The following DNAJC10 variants were observed in gnomAD, a reference collection of about 807,000 sequenced individuals.
DNAJC10 encodes the protein endoplasmic reticulum disulfide reductase DNAJC10.
In DNAJC10, 101 loss-of-function variants were observed where a neutral mutation model predicts 115.0. The observed-to-expected ratio is 0.88, with a 90% CI of 0.75 to 1.04. The LOEUF (loss-of-function observed/expected upper bound fraction) is 1.04. Among genes scored for constraint, DNAJC10 ranks in the 50% least tolerant of loss-of-function variants. DNAJC10 has a pLI of 0.00. For synonymous variants in DNAJC10, 307 were observed against 301.5 expected (o/e 1.02, Z -0.19); for missense variants, 981 against 928.8 (o/e 1.06, Z -0.73).
Position 182,789,777 on chromosome 2 carries a change from T to G in DNAJC10, c.*12645T>G, listed in dbSNP as rs1177529485. 1 of 152,192 alleles carries G rather than the reference T, an allele frequency of 6.6e-6. No homozygotes were observed. The highest frequency in any genetic ancestry group is 1.5e-5 in the Non-Finnish European group (1 of 68,030). The allele number at this position is 152,192 out of a possible 1,614,324, so 9.4% of individuals were successfully genotyped here. A position where few individuals can be genotyped will look rare whatever the true frequency, so the allele number is the denominator to read the frequency against. On this transcript the variant is annotated 3_prime_UTR_variant, in exon 24 of 24. Coordinates refer to ENST00000264065, the MANE Select transcript of DNAJC10 (RefSeq NM_018981.4). Reference sequence around the variant, plus strand: ...GTTTTTCATAGCAGCTGCACCATTTTACATTCCCACCAATAGTGCACAAGA... The same window carrying G: ...GTTTTTCATAGCAGCTGCACCATTTGACATTCCCACCAATAGTGCACAAGA...
Position 182,718,023 on chromosome 2 carries a change from C to A in DNAJC10, c.-64C>A. ...CAGAAGTTCTCAAATTTGCATATTA[C>A]ATCAACTGGAACCAGCAGTGAATCT... On this transcript the variant is annotated 5_prime_UTR_variant, in exon 3 of 24. Coordinates refer to ENST00000264065, the MANE Select transcript of DNAJC10 (RefSeq NM_018981.4). 1 of 1,271,028 alleles carries A rather than the reference C, an allele frequency of 7.9e-7. No individual in the cohort carries two copies. Among genetic ancestry groups the A allele is most frequent in the South Asian group, 1.5e-5 (1 of 65,650 alleles). 78.7% of individuals were successfully genotyped at this position (1,271,028 alleles called of 1,614,324 possible).
chr2:182,761,371 C>T (rs1167715873), intron 21 of DNAJC10, among the ~76,000 whole-genome samples: 1 of 152,128 alleles, frequency 6.6e-6, no homozygotes, highest in Non-Finnish European at 1.5e-5. Flanking sequence ...AACATTTCTA[C>T]ATTTTTCTTA....
rs1694904681 is a variant in DNAJC10 at position 182,784,168 on chromosome 2, A to C, written c.*7036A>C. The C allele has an allele frequency of 6.6e-6, 1 of 151,810 alleles. No homozygotes were observed. Among genetic ancestry groups the C allele is most frequent in the Admixed American group, 6.6e-5 (1 of 15,246 alleles). The allele number at this position is 151,810 out of a possible 1,614,324, so 9.4% of individuals were successfully genotyped here. The stretch of plus-strand genomic sequence containing the variant: ...ATAGTGAAACCCCATCTCTACTAAA[A>C]ATACAAAAACTAGCTGGGCATGGAG... On this transcript the variant is annotated 3_prime_UTR_variant, in exon 24 of 24. Transcript: ENST00000264065.
In DNAJC10 at chr2:182,787,487, G is replaced by A. The variant is rs772309152; in HGVS notation, c.*10355G>A. The A allele has an allele frequency of 1.3e-5, 2 of 152,192 alleles. No homozygotes were observed. Among genetic ancestry groups the A allele is most frequent in the Non-Finnish European group, 2.9e-5 (2 of 68,040 alleles). The allele number at this position is 152,192 out of a possible 1,614,324, so 9.4% of individuals were successfully genotyped here. A position where few individuals can be genotyped will look rare whatever the true frequency, so the allele number is the denominator to read the frequency against. On this transcript the variant is annotated 3_prime_UTR_variant, in exon 24 of 24. Transcript: ENST00000264065. ...CATTATGACAAAACTGCCTACCAAA[G>A]CCACAGACTTTAAGTCTTTGCAGGA... is the stretch of plus-strand genomic sequence containing the variant.
intron 14 of DNAJC10, among the ~76,000 whole-genome samples, chr2:182,746,557 C>CT (rs1320828178): frequency 1.2e-3 from 178 of 152,200 alleles, no homozygotes; most frequent in African/African-American, 3.9e-3. Context: ...TGTTCATGTC[C>CT]TTCGCCCACT....
intron 5 of DNAJC10, among the ~76,000 whole-genome samples, chr2:182,725,582 C>T (rs1292060498): frequency 6.6e-6 from 1 of 152,086 alleles, no homozygotes; most frequent in Non-Finnish European, 1.5e-5. Context: ...ATCCCCTTAG[C>T]GAAAGCCTAA....
At chr2:182,749,860 T>G (rs1693970773) in intron 14 of DNAJC10, among the ~76,000 whole-genome samples, 2 of 152,202 alleles carry the variant, frequency 1.3e-5, no homozygotes, top group African/African-American at 4.8e-5. Context: ...ACACGGATTT[T>G]CTCATGAGGT....
In DNAJC10 at chr2:182,756,387, A is replaced by G. The variant is rs751026793; in HGVS notation, c.1727A>G (p.Asn576Ser). 1.9e-6 allele frequency: 3 copies of G among 1,613,836 alleles called. No individual in the cohort carries two copies. The highest frequency in any genetic ancestry group is 3.3e-5 in the Admixed American group (2 of 59,988). ...FNELVTQRKH[N>S]EVWMVDFYSP... ...GAACTAGTTACACAAAGAAAACACA[A>G]CGAAGTCTGGATGGTTGATTTCTAT... is the stretch of plus-strand genomic sequence containing the variant. Residue 576 changes from asparagine (N) to serine (S), a missense_variant, in exon 18 of 24, where the codon AAC becomes AGC. Coordinates refer to ENST00000264065, the MANE Select transcript of DNAJC10 (RefSeq NM_018981.4).
At chr2:182,754,808 A>G in intron 16 of DNAJC10, 195 bp from the exon 17 acceptor site, 1 of 1,334,744 alleles carries the variant, frequency 7.5e-7, no homozygotes, top group Non-Finnish European at 9.6e-7. Flanking sequence ...AGGATCAGGT[A>G]TTCATCAGTA....
Position 182,740,518 on chromosome 2 carries a change from A to G in DNAJC10, c.1077+130A>G, listed in dbSNP as rs548511914. 873 of 823,356 alleles carry G rather than the reference A, an allele frequency of 1.1e-3. 2 individuals carry two copies. The highest frequency in any genetic ancestry group is 1.4e-3 in the Non-Finnish European group (789 of 570,300). 51.0% of individuals were successfully genotyped at this position (823,356 alleles called of 1,614,324 possible). On this transcript the variant is annotated intron_variant, in intron 12 of 23. Coordinates refer to ENST00000264065, the MANE Select transcript of DNAJC10 (RefSeq NM_018981.4). ...GAAAGTAGCAGTTTCAAAGGATTAT[A>G]TATTAGTCAATTGTAGGTTAAATTC...
Position 182,718,195 on chromosome 2 carries a change from TAC to T in DNAJC10, c.111_112del (p.Tyr37Ter), listed in dbSNP as rs1432257257. 1.2e-6 allele frequency: 2 copies of T among 1,613,688 alleles called. No homozygotes were observed. Among genetic ancestry groups the T allele is most frequent in the South Asian group, 1.1e-5 (1 of 91,006 alleles). On this transcript the variant is annotated frameshift_variant, in exon 3 of 24. Coordinates refer to ENST00000264065, the MANE Select transcript of DNAJC10 (RefSeq NM_018981.4). LOFTEE classifies it high-confidence loss of function. The part of the protein sequence containing the change: ...AILVGTDQDF[Y>X]SLLGVSKTAS... Reference sequence around the variant, plus strand: ...TTTAGTGGGCACAGATCAGGATTTTTACAGTTTACTTGGAGTGTCCAAAACTG... The same window carrying T: ...TTTAGTGGGCACAGATCAGGATTTTTAGTTTACTTGGAGTGTCCAAAACTG...
chr2:182,719,970 C>G (rs1693106353), intron 3 of DNAJC10, 37 bp from the exon 4 acceptor site: 1 of 1,237,490 alleles, frequency 8.1e-7, no homozygotes, highest in Non-Finnish European at 1.1e-6. Flanking sequence ...GATTGTGTAT[C>G]TGAAATAATT....
chr2:182,789,684 C>T lies in DNAJC10; in HGVS notation c.*12552C>T, dbSNP rs145570733. 6.6e-6 allele frequency: 1 copy of T among 152,292 alleles called. No homozygotes were observed. Among genetic ancestry groups the T allele is most frequent in the African/African-American group, 2.4e-5 (1 of 41,554 alleles). The allele number at this position is 152,292 out of a possible 1,614,324, so 9.4% of individuals were successfully genotyped here. On this transcript the variant is annotated 3_prime_UTR_variant, in exon 24 of 24. Coordinates refer to ENST00000264065, the MANE Select transcript of DNAJC10 (RefSeq NM_018981.4). Reference sequence around the variant, plus strand: ...GAAACCCTGCTTTCAGTTCTTTCAGCTATATACCTAGAAGTGTAAGTCTAT... The same window carrying T: ...GAAACCCTGCTTTCAGTTCTTTCAGTTATATACCTAGAAGTGTAAGTCTAT...
At chr2:182,720,692 C>T (rs1693129221) in intron 4 of DNAJC10, among the ~76,000 whole-genome samples, 1 of 152,068 alleles carries the variant, frequency 6.6e-6, no homozygotes, top group Non-Finnish European at 1.5e-5. Context: ...ACACATTTCT[C>T]AGAATGTGTC....
At position 182,788,406 on chromosome 2, in the gene DNAJC10, C is replaced by T; in HGVS notation, c.*11274C>T. The T allele has an allele frequency of 4.6e-6, 1 of 217,436 alleles. No individual in the cohort carries two copies. The highest frequency in any genetic ancestry group is 9.1e-6 in the Non-Finnish European group (1 of 110,064). 13.5% of individuals were successfully genotyped at this position (217,436 alleles called of 1,614,324 possible). ...CTCTTATACTTTGGTTACCTATGTA[C>T]CTGTTACCACTTGCAGAAATCAACA... On this transcript the variant is annotated 3_prime_UTR_variant, in exon 24 of 24. Coordinates refer to ENST00000264065, the MANE Select transcript of DNAJC10 (RefSeq NM_018981.4).
chr2:182,762,233 G>A (rs1694303914), intron 21 of DNAJC10, among the ~76,000 whole-genome samples: 1 of 152,026 alleles, frequency 6.6e-6, no homozygotes, highest in Non-Finnish European at 1.5e-5. Flanking sequence ...ATCCTTTCAT[G>A]ATTATATACA....
At position 182,789,607 on chromosome 2, in the gene DNAJC10, C is replaced by T. The variant is rs897879008; in HGVS notation, c.*12475C>T. ...TTCGTCCGTTGATAGGCTGCCTTCA[C>T]CCTTTGGCCATTGCAAATAATGCTG... On this transcript the variant is annotated 3_prime_UTR_variant, in exon 24 of 24. Coordinates refer to ENST00000264065, the MANE Select transcript of DNAJC10 (RefSeq NM_018981.4). 7 of 152,190 alleles carry T rather than the reference C, an allele frequency of 4.6e-5. No individual in the cohort carries two copies. The highest frequency in any genetic ancestry group is 1.0e-4 in the Non-Finnish European group (7 of 68,040). The allele number at this position is 152,190 out of a possible 1,614,324, so 9.4% of individuals were successfully genotyped here.
At chr2:182,718,604 T>G (rs951141947) in intron 3 of DNAJC10, among the ~76,000 whole-genome samples, 28 of 152,222 alleles carry the variant, frequency 1.8e-4, no homozygotes, top group African/African-American at 6.5e-4. Flanking sequence ...TAAAGTAGGT[T>G]AAGATCAAGT....
rs202022153 is a variant in DNAJC10, at chr2:182,775,365, C to T, written c.2315C>T (p.Ala772Val). The T allele has an allele frequency of 8.7e-6, 14 of 1,613,188 alleles. No homozygotes were observed. In the African/African-American group the frequency reaches 1.5e-4, roughly 17 times the overall value. Residue 772 changes from alanine (A) to valine (V), a missense_variant, in exon 23 of 24, where the codon GCT (alanine) becomes GTT (valine). Ala to Val is a moderately conservative substitution (Grantham distance 64, BLOSUM62 0). Transcript: ENST00000264065. The stretch of plus-strand genomic sequence containing the variant: ...AATACCAGAGATGCAAAAGCAATCG[C>T]TGCCTTAATAAGTGAAAAATTGGAA... ...QINTRDAKAI[A>V]ALISEKLETL...
Sources: gnomAD v4.1 joint callset for allele counts (sites outside exome capture counted in the v4.1 genomes callset) on GRCh38, gnomAD v4.1.1 for gene constraint, MANE v1.5 for transcripts, NCBI Gene and HGNC (gene_info 2026-07-23, HGNC 2026-07-21) for gene names.